Variants in ZCCHC17 observed in about 807,000 individuals in gnomAD.
The protein encoded by ZCCHC17 is zinc finger CCHC domain-containing protein 17.
ZCCHC17 carries 18 observed loss-of-function variants against 30.6 expected under a neutral mutation model. The observed-to-expected ratio is 0.59, with a 90% CI of 0.41 to 0.87. The LOEUF is 0.87. Ranked by LOEUF, ZCCHC17 falls within the 40% of genes least tolerant of loss-of-function variation. The probability of loss-of-function intolerance (pLI) is 0.00; values close to 1 mark genes in which losing one functional copy is unlikely to be tolerated. For synonymous variants in ZCCHC17, 88 were observed against 92.4 expected (o/e 0.95, Z 0.27); for missense variants, 263 against 284.2 (o/e 0.93, Z 0.54).
chr1:31,325,327 T>C (rs1638294001), intron 3 of ZCCHC17, among the ~76,000 whole-genome samples: 1 of 152,202 alleles, frequency 6.6e-6, no homozygotes, highest in South Asian at 2.1e-4. Context: ...GACAAGAACT[T>C]GGGACCCGTT....
chr1:31,313,068 C>CTT (rs59004055), intron 2 of ZCCHC17, among the ~76,000 whole-genome samples: 2,298 of 113,434 alleles, frequency 0.02, 60 homozygotes, highest in Non-Finnish European at 0.028. Context: ...CACTGGGCCT[C>CTT]TTTTTTTTTT....
intron 1 of ZCCHC17, among the ~76,000 whole-genome samples, chr1:31,302,702 T>G (rs544270464): frequency 3.3e-5 from 5 of 152,160 alleles, no homozygotes; most frequent in African/African-American, 1.2e-4. Flanking sequence ...AGGAAACTTA[T>G]AACTCATGGC....
At chr1:31,307,026 C>T (rs1429821293) in intron 1 of ZCCHC17, among the ~76,000 whole-genome samples, 3 of 151,960 alleles carry the variant, frequency 2.0e-5, no homozygotes, top group East Asian at 3.9e-4. Flanking sequence ...TTAGTAGAGA[C>T]GGGGTTTCAC....
At chr1:31,339,071 T>G in intron 5 of ZCCHC17, 23 bp downstream of exon 5, 8 of 1,560,692 alleles carry the variant, frequency 5.1e-6, no homozygotes, top group Non-Finnish European at 7.0e-6. Context: ...TTTGGAAAGG[T>G]GAAAATTCTT....
intron 2 of ZCCHC17, among the ~76,000 whole-genome samples, chr1:31,317,024 C>CT (rs1196920105): frequency 0.22 from 27,951 of 126,506 alleles, 4,509 homozygotes; most frequent in African/African-American, 0.45. Context: ...AACTTTTTTT[C>CT]TTTTTTTTTT....
At chr1:31,305,615 A>T (rs1200885609) in intron 1 of ZCCHC17, among the ~76,000 whole-genome samples, 1 of 151,664 alleles carries the variant, frequency 6.6e-6, no homozygotes, top group Non-Finnish European at 1.5e-5. Flanking sequence ...TTTTTTAAAA[A>T]ATATTTTGTG....
chr1:31,301,656 A>G (rs33917597), intron 1 of ZCCHC17, among the ~76,000 whole-genome samples: 21,815 of 152,178 alleles, frequency 0.14, 1,713 homozygotes, highest in African/African-American at 0.17. Flanking sequence ...TCTTATACCA[A>G]TGTTGCTAAC....
intron 7 of ZCCHC17, among the ~76,000 whole-genome samples, chr1:31,353,759 A>G (rs1465680593): frequency 6.6e-6 from 1 of 152,154 alleles, no homozygotes; most frequent in African/African-American, 2.4e-5. Flanking sequence ...TCCCCACTGA[A>G]TGGTCTTGGC....
chr1:31,325,816 C>T (rs970636599), intron 3 of ZCCHC17, among the ~76,000 whole-genome samples: 1 of 152,144 alleles, frequency 6.6e-6, no homozygotes, highest in Non-Finnish European at 1.5e-5. Flanking sequence ...GTGCTGCTGG[C>T]CACAGCAGCT....
At chr1:31,309,778 A>AAAAAATAGC (rs1646553231) in intron 1 of ZCCHC17, among the ~76,000 whole-genome samples, 1 of 152,170 alleles carries the variant, frequency 6.6e-6, no homozygotes, top group African/African-American at 2.4e-5. Flanking sequence ...TCCCCGGCAA[A>AAAAAATAGC]AAAAATAGCA....
In ZCCHC17 at chr1:31,348,914, A is replaced by G. The variant is rs1391647422; in HGVS notation, c.504A>G (p.Ala168=). 4 of 1,613,312 alleles carry G rather than the reference A, an allele frequency of 2.5e-6. No homozygotes were observed. The highest frequency in any genetic ancestry group is 1.1e-5 in the South Asian group (1 of 90,928). The change falls in exon 7 of 8, where the codon GCA becomes GCG. Residue 168 remains alanine (A), a synonymous_variant. Coordinates refer to ENST00000344147, the MANE Select transcript of ZCCHC17 (RefSeq NM_016505.4). ...IPDEEEEKEE[A]KSAEFEKPDP... ...ATGAGGAAGAGGAAAAGGAAGAGGC[A>G]AAGTCAGCAGAGTTTGAGAAGCCTG...
chr1:31,309,135 T>C (rs895285946), intron 1 of ZCCHC17, among the ~76,000 whole-genome samples: 1 of 152,204 alleles, frequency 6.6e-6, no homozygotes, highest in Non-Finnish European at 1.5e-5. Context: ...CCTTTTCTCT[T>C]TGAAGTCACT....
chr1:31,322,814 C>T (rs1167018619), intron 3 of ZCCHC17, among the ~76,000 whole-genome samples: 2 of 151,924 alleles, frequency 1.3e-5, no homozygotes, highest in African/African-American at 2.4e-5. Flanking sequence ...CTCTGCCTTC[C>T]GGGTTCAAGC....
intron 7 of ZCCHC17, among the ~76,000 whole-genome samples, chr1:31,354,917 G>A (rs1639588984): frequency 1.3e-5 from 2 of 152,148 alleles, no homozygotes. Flanking sequence ...GCTCATGCCT[G>A]TAATCCCAGC....
intron 3 of ZCCHC17, among the ~76,000 whole-genome samples, chr1:31,321,531 A>G (rs1254278933): frequency 6.6e-6 from 1 of 152,170 alleles, no homozygotes; most frequent in East Asian, 1.9e-4. Context: ...CTAGAGTGCA[A>G]TGGTGCAATC....
intron 3 of ZCCHC17, among the ~76,000 whole-genome samples, chr1:31,330,281 G>C (rs1299890438): frequency 2.0e-5 from 3 of 152,220 alleles, no homozygotes; most frequent in Admixed American, 2.0e-4. Context: ...TGAGGAGCTA[G>C]CCCTTTCCAA....
At chr1:31,331,667 A>C (rs545969699) in intron 3 of ZCCHC17, among the ~76,000 whole-genome samples, 1 of 151,582 alleles carries the variant, frequency 6.6e-6, no homozygotes, top group Middle Eastern at 3.2e-3. Context: ...GCTGGAATGC[A>C]ATGGCTCGAT....
rs149165608 is a variant in ZCCHC17, at chr1:31,321,436, C to T, written c.124+2270C>T. The stretch of plus-strand genomic sequence containing the variant: ...CTTTCCTTGGTAAATTACCCAGTCT[C>T]GTATGTCTTTATTAGCAGTGTAAGA... On this transcript the variant is annotated intron_variant, in intron 3 of 7. Transcript: ENST00000344147. Among the ~76,000 whole-genome samples the T allele has an allele frequency of 7.3e-3, 1,113 of 152,318 alleles. 13 individuals carry two copies. The highest frequency in any genetic ancestry group is 0.025 in the African/African-American group (1,040 of 41,568).
intron 5 of ZCCHC17, among the ~76,000 whole-genome samples, chr1:31,343,806 A>G (rs1427512932): frequency 6.7e-6 from 1 of 149,106 alleles, no homozygotes; most frequent in Non-Finnish European, 1.5e-5. Context: ...CAGCCTCCCA[A>G]GTAGCCAAGA....
Sources: gnomAD v4.1 joint callset for allele counts (sites outside exome capture counted in the v4.1 genomes callset) on GRCh38, gnomAD v4.1.1 for gene constraint, MANE v1.5 for transcripts, NCBI Gene and HGNC (gene_info 2026-07-23, HGNC 2026-07-21) for gene names.